ANKRD18B: variants seen among roughly 807,000 people sequenced by gnomAD.
The protein encoded by ANKRD18B is ankyrin repeat domain-containing protein 18B.
Under a neutral mutation model 111.8 loss-of-function variants are expected in ANKRD18B, and 75 were observed. The observed-to-expected ratio is 0.67, with a 90% CI of 0.56 to 0.81. The LOEUF is 0.81. ANKRD18B is among the 40% of genes least tolerant of loss of function. The pLI, the probability that ANKRD18B is intolerant of heterozygous loss-of-function variation, is 0.00. For missense variants in ANKRD18B, 1,038 were observed against 1,225.5 expected (o/e 0.85, Z 2.28); for synonymous variants, 356 against 417.3 (o/e 0.85, Z 1.79).
Position 33,572,326 on chromosome 9 carries a change from G to T in ANKRD18B, c.3234G>T (p.Ala1078=), listed in dbSNP as rs561973679. The T allele has an allele frequency of 1.5e-5, 24 of 1,610,486 alleles. No individual in the cohort carries two copies. The highest frequency in any genetic ancestry group is 2.7e-5 in the African/African-American group (2 of 74,804). The part of the protein sequence containing the change: ...IITETKKTFA[A]LGPCSYLLSS... ...TCTTTTTCTTTCCAGCTTTTGCTGC[G>T]TTGGGCCCTTGCTCCTATCTACTTT... The change falls in exon 19 of 19, where the codon GCG becomes GCT. Residue 1078 remains alanine (A), a synonymous_variant. Coordinates refer to ENST00000684830, the MANE Select transcript of ANKRD18B (RefSeq NM_001393611.1).
chr9:33,554,787 A>G (rs1238823232), intron 12 of ANKRD18B, among the ~76,000 whole-genome samples: 1 of 152,162 alleles, frequency 6.6e-6, no homozygotes, highest in East Asian at 1.9e-4. Flanking sequence ...CAGAACAAAG[A>G]CAGCACTTGA....
chr9:33,526,264 C>T (rs1246872464), intron 1 of ANKRD18B, among the ~76,000 whole-genome samples: 1 of 152,152 alleles, frequency 6.6e-6, no homozygotes, highest in Non-Finnish European at 1.5e-5. Flanking sequence ...AATACAGATA[C>T]ATGCACTTTT....
chr9:33,535,814 T>C (rs1476466202), intron 5 of ANKRD18B, among the ~76,000 whole-genome samples: 4 of 145,202 alleles, frequency 2.8e-5, no homozygotes, highest in Non-Finnish European at 6.0e-5. Flanking sequence ...TTATATAATC[T>C]ATATATTATA....
At chr9:33,540,840 T>C (rs1828268202) in intron 8 of ANKRD18B, among the ~76,000 whole-genome samples, 1 of 152,192 alleles carries the variant, frequency 6.6e-6, no homozygotes, top group Non-Finnish European at 1.5e-5. Context: ...GACTGTACTC[T>C]CATAAAACTT....
chr9:33,538,315 A>T (rs2118015568), intron 6 of ANKRD18B, among the ~76,000 whole-genome samples: 1 of 152,354 alleles, frequency 6.6e-6, no homozygotes, highest in Non-Finnish European at 1.5e-5. Flanking sequence ...TCTTATACAA[A>T]CAAGGTCTAT....
chr9:33,547,517 G>A (rs1048861105), intron 10 of ANKRD18B, among the ~76,000 whole-genome samples: 2 of 152,086 alleles, frequency 1.3e-5, no homozygotes, highest in African/African-American at 2.4e-5. Flanking sequence ...TGGAGGTAAA[G>A]CTCTTACTAT....
Position 33,534,626 on chromosome 9 carries a change from A to G in ANKRD18B, c.740+119A>G. On this transcript the variant is annotated intron_variant, in intron 5 of 18. Transcript: ENST00000684830. ...TTTGGTTGAGGTAGTTTGGAATGGC[A>G]ACAAGTTAGTCCACTTCTTAGCCAG... 2.3e-6 allele frequency: 3 copies of G among 1,313,706 alleles called. No homozygotes were observed. The South Asian group carries it at 5.5e-5, about 24-fold the overall frequency. The allele number at this position is 1,313,706 out of a possible 1,614,324, so 81.4% of individuals were successfully genotyped here. A position where few individuals can be genotyped will look rare whatever the true frequency, so the allele number is the denominator to read the frequency against.
intron 3 of ANKRD18B, among the ~76,000 whole-genome samples, chr9:33,531,052 G>A (rs1172069272): frequency 2.0e-5 from 3 of 152,164 alleles, no homozygotes; most frequent in Middle Eastern, 3.4e-3. Flanking sequence ...TAGAGCTTTG[G>A]CATTATCGGG....
rs1290589356 is a variant in ANKRD18B, at chr9:33,568,744, A to C, written c.3028A>C (p.Thr1010Pro). 14 of 1,551,296 alleles carry C rather than the reference A, an allele frequency of 9.0e-6. No individual in the cohort carries two copies. The highest frequency in any genetic ancestry group is 1.2e-5 in the Non-Finnish European group (14 of 1,146,772). ...EKERMEYFLSTLPMRPDPELP... is the reference protein window; with the variant it reads ...EKERMEYFLSPLPMRPDPELP... ...AGAGCGGATGGAATATTTTCTCAGCACTCTTCCTATGAGGCCAGACCCAGA... is the reference window on the plus strand; with the variant it reads ...AGAGCGGATGGAATATTTTCTCAGCCCTCTTCCTATGAGGCCAGACCCAGA... The change falls in exon 17 of 19, where the codon ACT (threonine) becomes CCT (proline). Residue 1010 changes from threonine (T) to proline (P), a missense_variant. Coordinates refer to ENST00000684830, the MANE Select transcript of ANKRD18B (RefSeq NM_001393611.1).
intron 5 of ANKRD18B, among the ~76,000 whole-genome samples, chr9:33,536,344 A>G (rs1472387402): frequency 6.6e-6 from 1 of 152,236 alleles, no homozygotes; most frequent in East Asian, 1.9e-4. Flanking sequence ...AAACTGTGAC[A>G]TTCAAATATT....
In ANKRD18B at chr9:33,528,789, G is replaced by T. The variant is rs765187568; in HGVS notation, c.269G>T (p.Arg90Ile). 1 of 1,613,238 alleles carries T rather than the reference G, an allele frequency of 6.2e-7. No individual in the cohort carries two copies. The highest frequency in any genetic ancestry group is 1.1e-5 in the South Asian group (1 of 90,918). The change falls in exon 2 of 19, where the codon AGA becomes ATA. Residue 90 changes from arginine to isoleucine, a missense_variant. Around this residue, in one of 4 missense-constraint regions of ANKRD18B, gnomAD observed 216 missense variants for 205.1 expected, o/e 1.05. Transcript: ENST00000684830. ...CAAGTGGTCACTCTCTTGCTGGACA[G>T]AAAATGCCAGATCAACATCTGTGAC... ...RVQVVTLLLDRKCQINICDRL... is the reference protein window; with the variant it reads ...RVQVVTLLLDIKCQINICDRL...
intron 3 of ANKRD18B, among the ~76,000 whole-genome samples, chr9:33,529,737 T>A (rs996632510): frequency 2.6e-5 from 4 of 152,200 alleles, no homozygotes; most frequent in African/African-American, 9.6e-5. Context: ...GACAAAGCGC[T>A]CTTCAGCTTT....
Position 33,572,615 on chromosome 9 carries a change from CACCAGTGTTATTGAGTTTG to C in ANKRD18B, c.*185_*203del. The C allele has an allele frequency of 8.1e-7, 1 of 1,237,492 alleles. No individual in the cohort carries two copies. The highest frequency in any genetic ancestry group is 3.9e-5 in the Admixed American group (1 of 25,334). 76.7% of individuals were successfully genotyped at this position (1,237,492 alleles called of 1,614,324 possible). ...GTTTTAAGTGGATCTTGCAAATGAA[CACCAGTGTTATTGAGTTTG>C]ACCTACTCAAATTGCCTGAATGTCA... On this transcript the variant is annotated 3_prime_UTR_variant, in exon 19 of 19. Transcript: ENST00000684830.
chr9:33,568,195 C>T (rs936818225), intron 16 of ANKRD18B, among the ~76,000 whole-genome samples: 2 of 152,208 alleles, frequency 1.3e-5, no homozygotes, highest in African/African-American at 4.8e-5. Flanking sequence ...TATTTTTGTT[C>T]ATTTTAGTTT....
At chr9:33,562,136 C>G (rs1478433735) in intron 14 of ANKRD18B, among the ~76,000 whole-genome samples, 1 of 152,084 alleles carries the variant, frequency 6.6e-6, no homozygotes, top group Non-Finnish European at 1.5e-5. Flanking sequence ...CAGTGCCTCC[C>G]TCTATGGTTT....
In ANKRD18B at chr9:33,567,165, A is replaced by G. The variant is rs1012403105; in HGVS notation, c.2805A>G (p.Lys935=). 42 of 1,548,592 alleles carry G rather than the reference A, an allele frequency of 2.7e-5. No individual in the cohort carries two copies. Among genetic ancestry groups the G allele is most frequent in the Non-Finnish European group, 3.5e-5 (40 of 1,146,134 alleles). Residue 935 remains lysine, a synonymous_variant, in exon 16 of 19, where the codon AAA becomes AAG. Transcript: ENST00000684830. ...QLNKDNTASL[K]KKELTLKDVE... ...ACAAGGATAATACGGCTTCACTAAA[A>G]AAGAAGGAACTCACACTTAAAGATG... is the stretch of plus-strand genomic sequence containing the variant.
At chr9:33,533,247 T>C (rs1828142699) in intron 3 of ANKRD18B, among the ~76,000 whole-genome samples, 192 bp from the exon 4 acceptor site, 2 of 152,106 alleles carry the variant, frequency 1.3e-5, no homozygotes, top group African/African-American at 4.8e-5. Context: ...GAAGTTAACA[T>C]GGGGAGGCAG....
chr9:33,573,225 C>T (rs923657885), downstream of ANKRD18B: 38 of 985,256 alleles, frequency 3.9e-5, no homozygotes, highest in Non-Finnish European at 4.6e-5. Flanking sequence ...GAAGCACAGG[C>T]GAGCTCTTCC....
intron 1 of ANKRD18B, among the ~76,000 whole-genome samples, chr9:33,527,676 T>C (rs532535033): frequency 6.6e-6 from 1 of 152,330 alleles, no homozygotes; most frequent in South Asian, 2.1e-4. Context: ...AATATGTTGT[T>C]ATTTCAGTGC....
Sources: allele counts gnomAD v4.1 joint callset (sites outside exome capture counted in the v4.1 genomes callset), GRCh38; gene constraint gnomAD v4.1.1; regional missense constraint gnomAD v4.1.1; transcripts MANE v1.5; gene names NCBI Gene and HGNC (gene_info 2026-07-23, HGNC 2026-07-21).